Variants in HSD3B2 observed in about 807,000 individuals in gnomAD.
HSD3B2 encodes hydroxy-delta-5-steroid dehydrogenase, 3 beta- and steroid delta-isomerase 2.
Under a neutral mutation model 9.9 loss-of-function variants are expected in HSD3B2, and 8 were observed. The ratio of observed to expected loss-of-function variants is 0.81; its 90% CI spans 0.47 to 1.46. The LOEUF (loss-of-function observed/expected upper bound fraction) is 1.46, where lower values mean the gene tolerates loss of function less well. HSD3B2 is among the 40% of genes most tolerant of loss of function. The probability of loss-of-function intolerance (pLI) is 0.00; values close to 1 mark genes in which losing one functional copy is unlikely to be tolerated. For synonymous variants in HSD3B2, 221 were observed against 184.5 expected, an observed-to-expected ratio of 1.20 and a Z score of -1.60; for missense variants, 410 against 448.3, an observed-to-expected ratio of 0.91 and a Z score of 0.77.
chr1:119,420,123 T>G (rs1472991866), intron 3 of HSD3B2, among the ~76,000 whole-genome samples: 3 of 152,152 alleles, frequency 2.0e-5, no homozygotes, highest in Non-Finnish European at 1.5e-5. Context: ...AGCACATGCC[T>G]TCCCATAATA....
chr1:119,421,393 ATATATATATG>A lies in HSD3B2; in HGVS notation c.308-406_308-397del. ...AGTGTGTGTGTATATATATATATGT[ATATATATATG>A]TATATATATATATGTATATATATGT... On this transcript the variant is annotated intron_variant, in intron 3 of 3. Coordinates refer to ENST00000369416, the MANE Select transcript of HSD3B2 (RefSeq NM_000198.4). 2.5e-5 allele frequency among the ~76,000 whole-genome samples: 3 copies of A among 119,642 alleles called. No individual in the cohort carries two copies. In the East Asian group the frequency reaches 7.1e-4, roughly 28 times the overall value. 78.5% of individuals were successfully genotyped at this position (119,642 alleles called of 152,430 possible). A position where few individuals can be genotyped will look rare whatever the true frequency, so the allele number is the denominator to read the frequency against.
chr1:119,420,897 A>C (rs938812059), intron 3 of HSD3B2, among the ~76,000 whole-genome samples: 2 of 152,182 alleles, frequency 1.3e-5, no homozygotes, highest in African/African-American at 4.8e-5. Context: ...AGGAAATGCC[A>C]GGGCAGGATT....
chr1:119,422,084 C>T lies in HSD3B2; in HGVS notation c.583C>T (p.Pro195Ser), dbSNP rs1270977226. The T allele has an allele frequency of 1.2e-6, 2 of 1,614,062 alleles. No individual in the cohort carries two copies. The highest frequency in any genetic ancestry group is 1.7e-6 in the Non-Finnish European group (2 of 1,179,988). ...RPTYIYGEGG[P>S]FLSASINEAL... The stretch of plus-strand genomic sequence containing the variant: ...CACATATATCTATGGGGAAGGAGGC[C>T]CATTCCTTTCTGCCAGTATAAATGA... Residue 195 changes from proline to serine, a missense_variant, in exon 4 of 4, where the codon CCA (proline) becomes TCA (serine). Pro to Ser is a moderately conservative substitution (Grantham distance 74). Transcript: ENST00000369416.
chr1:119,421,287 A>C (rs1651848400), intron 3 of HSD3B2, among the ~76,000 whole-genome samples: 1 of 150,744 alleles, frequency 6.6e-6, no homozygotes, highest in Non-Finnish European at 1.5e-5. Context: ...CTTTAATTGT[A>C]TTGATGACAA....
At chr1:119,420,053 A>G (rs1651819433) in intron 3 of HSD3B2, among the ~76,000 whole-genome samples, 2 of 152,174 alleles carry the variant, frequency 1.3e-5, no homozygotes, top group Admixed American at 1.3e-4. Context: ...ACCTCAAAGA[A>G]GTCCTCTCAA....
At chr1:119,417,131 C>T (rs779189037) in intron 2 of HSD3B2, among the ~76,000 whole-genome samples, 4 of 152,078 alleles carry the variant, frequency 2.6e-5, no homozygotes, top group Non-Finnish European at 5.9e-5. Context: ...ATCAACTTGT[C>T]GAAGGTCCCA....
Position 119,415,516 on chromosome 1 carries a change from G to C in HSD3B2, c.97G>C (p.Ala33Pro). 1 of 1,613,942 alleles carries C rather than the reference G, an allele frequency of 6.2e-7. No homozygotes were observed. Among genetic ancestry groups the C allele is most frequent in the Non-Finnish European group, 8.5e-7 (1 of 1,179,880 alleles). Residue 33 changes from alanine to proline, a missense_variant, in exon 2 of 4, where the codon GCC becomes CCC. By Grantham distance (27) the Ala-to-Pro change is conservative. Transcript: ENST00000369416. ...AGAGAAGGAACTGAAGGAGATCAGG[G>C]CCTTGGACAAGGCCTTCAGACCAGA... ...VEEKELKEIR[A>P]LDKAFRPELR...
At position 119,422,905 on chromosome 1, in the gene HSD3B2, A is replaced by G. The variant is rs1344293523; in HGVS notation, c.*285A>G. The G allele has an allele frequency of 5.7e-6, 3 of 526,522 alleles. No individual in the cohort carries two copies. The highest frequency in any genetic ancestry group is 1.0e-5 in the Non-Finnish European group (3 of 293,300). 32.6% of individuals were successfully genotyped at this position (526,522 alleles called of 1,614,324 possible). On this transcript the variant is annotated 3_prime_UTR_variant, in exon 4 of 4. Transcript: ENST00000369416. ...AACAATTGTGGTCTCTCTTAACTTG[A>G]GGTTCTCTTTTGACTAATAGAGCTC...
chr1:119,415,096 A>C (rs1651667322), upstream of HSD3B2: 1 of 374,626 alleles, frequency 2.7e-6, no homozygotes, highest in South Asian at 2.4e-5. Flanking sequence ...TCAAGGTAAT[A>C]AGGGCTGAGA....
At chr1:119,421,319 T>C (rs1651849158) in intron 3 of HSD3B2, among the ~76,000 whole-genome samples, 1 of 149,082 alleles carries the variant, frequency 6.7e-6, no homozygotes, top group Non-Finnish European at 1.5e-5. Flanking sequence ...TCAATATCCT[T>C]ACTTGGCAAA....
chr1:119,422,353 C>A lies in HSD3B2; in HGVS notation c.852C>A (p.Ser284Arg), dbSNP rs151258756. The A allele has an allele frequency of 1.4e-5, 22 of 1,614,034 alleles. No homozygotes were observed. Among genetic ancestry groups the A allele is most frequent in the Admixed American group, 1.7e-5 (1 of 60,002 alleles). Residue 284 changes from serine to arginine, a missense_variant, in exon 4 of 4, where the codon AGC (serine) becomes AGA (arginine). By Grantham distance (110) the Ser-to-Arg change is moderately radical. Transcript: ENST00000369416. ...GCCTCCGCCTTGATTCCAGATGGAG[C>A]CTTCCTTTAACCCTGATGTACTGGA... Reference protein sequence around the residue: ...EFGLRLDSRWSLPLTLMYWIG... With the variant: ...EFGLRLDSRWRLPLTLMYWIG...
Position 119,422,284 on chromosome 1 carries a change from C to G in HSD3B2, c.783C>G (p.His261Gln). Reference protein sequence around the residue: ...QFYYISDDTPHQSYDNLNYIL... With the variant: ...QFYYISDDTPQQSYDNLNYIL... ...ATTACATCTCAGATGACACGCCTCA[C>G]CAAAGCTATGATAACCTTAATTACA... Residue 261 changes from histidine to glutamine, a missense_variant, in exon 4 of 4, where the codon CAC becomes CAG. Transcript: ENST00000369416. The G allele has an allele frequency of 6.2e-7, 1 of 1,614,104 alleles. No individual in the cohort carries two copies. The highest frequency in any genetic ancestry group is 1.1e-5 in the South Asian group (1 of 91,066).
intron 2 of HSD3B2, among the ~76,000 whole-genome samples, chr1:119,417,689 A>G (rs1165937125): frequency 6.6e-6 from 1 of 152,188 alleles, no homozygotes; most frequent in African/African-American, 2.4e-5. Context: ...TATCCCAGGA[A>G]GGAATTTCTC....
At chr1:119,417,472 G>T (rs1023520754) in intron 2 of HSD3B2, 2 of 152,186 alleles carry the variant, frequency 1.3e-5, no homozygotes, top group Non-Finnish European at 2.9e-5. Flanking sequence ...GGCAGCAAAG[G>T]AGAAGCAGAT....
chr1:119,422,124 A>G lies in HSD3B2; in HGVS notation c.623A>G (p.Asn208Ser). ...SASINEALNN[N>S]GILSSVGKFS... ...AGTATAAATGAGGCCCTGAACAACA[A>G]TGGGATCCTGTCAAGTGTTGGAAAG... Residue 208 changes from asparagine to serine, a missense_variant, in exon 4 of 4, where the codon AAT becomes AGT. Physicochemically the swap from Asn to Ser is conservative, Grantham distance 46. Transcript: ENST00000369416. 1.2e-6 allele frequency: 2 copies of G among 1,614,082 alleles called. No individual in the cohort carries two copies. The highest frequency in any genetic ancestry group is 1.3e-5 in the African/African-American group (1 of 75,018).
intron 2 of HSD3B2, among the ~76,000 whole-genome samples, chr1:119,416,718 T>G (rs999368711): frequency 6.6e-6 from 1 of 152,228 alleles, no homozygotes; most frequent in Non-Finnish European, 1.5e-5. Context: ...GAAGCTCCCC[T>G]TGACACTCTC....
Position 119,422,885 on chromosome 1 carries a change from T to C in HSD3B2, c.*265T>C, listed in dbSNP as rs1203797819. The C allele has an allele frequency of 3.6e-6, 2 of 559,180 alleles. No individual in the cohort carries two copies. The highest frequency in any genetic ancestry group is 4.1e-5 in the South Asian group (2 of 49,098). The allele number at this position is 559,180 out of a possible 1,614,324, so 34.6% of individuals were successfully genotyped here. A position where few individuals can be genotyped will look rare whatever the true frequency, so the allele number is the denominator to read the frequency against. On this transcript the variant is annotated 3_prime_UTR_variant, in exon 4 of 4. Transcript: ENST00000369416. Reference sequence around the variant, plus strand: ...AATCTCAGTGGCTGATTCTGAACAATTGTGGTCTCTCTTAACTTGAGGTTC... The same window carrying C: ...AATCTCAGTGGCTGATTCTGAACAACTGTGGTCTCTCTTAACTTGAGGTTC...
At chr1:119,415,623 G>T (rs1251244306) in intron 2 of HSD3B2, 62 bp downstream of exon 2, 1 of 1,568,182 alleles carries the variant, frequency 6.4e-7, no homozygotes, top group East Asian at 2.2e-5. Flanking sequence ...GTGTGGGGAG[G>T]TTGACCTTGT....
Position 119,422,635 on chromosome 1 carries a change from A to G in HSD3B2, c.*15A>G, listed in dbSNP as rs1164548750. On this transcript the variant is annotated 3_prime_UTR_variant, in exon 4 of 4. Transcript: ENST00000369416. ...AGACTCAGTGATTTAAGGATGACAGAGATGTGCATGTGGGTATTGTTAGGA... is the reference window on the plus strand; with the variant it reads ...AGACTCAGTGATTTAAGGATGACAGGGATGTGCATGTGGGTATTGTTAGGA... 6.2e-7 allele frequency: 1 copy of G among 1,613,106 alleles called. No homozygotes were observed. Among genetic ancestry groups the G allele is most frequent in the African/African-American group, 1.3e-5 (1 of 74,908 alleles).
Sources: gnomAD v4.1 joint callset for allele counts (sites outside exome capture counted in the v4.1 genomes callset) on GRCh38, gnomAD v4.1.1 for gene constraint, MANE v1.5 for transcripts, NCBI Gene and HGNC (gene_info 2026-07-23, HGNC 2026-07-21) for gene names.